ERBB4: variants seen among roughly 807,000 people sequenced by gnomAD.
ERBB4 encodes erb-b2 receptor tyrosine kinase 4.
Under a neutral mutation model 158.0 loss-of-function variants are expected in ERBB4, and 42 were observed. The observed-to-expected ratio is 0.27, with a 90% CI of 0.21 to 0.34. The LOEUF (loss-of-function observed/expected upper bound fraction) is 0.34. ERBB4 is among the 10% of genes least tolerant of loss of function. The probability of loss-of-function intolerance (pLI) is 1.00; values close to 1 mark genes in which losing one functional copy is unlikely to be tolerated. For missense variants in ERBB4, 1,333 were observed against 1,624.1 expected (o/e 0.82, Z 3.08); for synonymous variants, 583 against 558.7 (o/e 1.04, Z -0.61).
chr2:212,485,479 TGTCAAAATG>T (rs1689923974), intron 1 of ERBB4, among the ~76,000 whole-genome samples: 1 of 152,192 alleles, frequency 6.6e-6, no homozygotes, highest in Non-Finnish European at 1.5e-5. Context: ...CGGAATGAAT[TGTCAAAATG>T]AACTAACCAG....
At chr2:212,228,529 A>AT (rs1489831792) in intron 1 of ERBB4, among the ~76,000 whole-genome samples, 1 of 152,198 alleles carries the variant, frequency 6.6e-6, no homozygotes, top group Non-Finnish European at 1.5e-5. Flanking sequence ...CAGCAAGAAC[A>AT]TTTTTATGGG....
intron 2 of ERBB4, among the ~76,000 whole-genome samples, chr2:212,013,140 T>C (rs1342645276): frequency 6.6e-6 from 1 of 151,366 alleles, no homozygotes; most frequent in Non-Finnish European, 1.5e-5. Flanking sequence ...CATTGCAATC[T>C]CCACCTCCCA....
At chr2:212,240,459 T>A (rs1296792232) in intron 1 of ERBB4, among the ~76,000 whole-genome samples, 1 of 151,590 alleles carries the variant, frequency 6.6e-6, no homozygotes. Context: ...GGTGAAACCC[T>A]GTCTCCACTA....
At chr2:211,675,281 G>C (rs1383125822) in intron 13 of ERBB4, among the ~76,000 whole-genome samples, 2 of 152,146 alleles carry the variant, frequency 1.3e-5, no homozygotes, top group Non-Finnish European at 2.9e-5. Context: ...AACTTAGCAA[G>C]TCCTGTGATC....
At chr2:212,506,292 A>G (rs529454778) in intron 1 of ERBB4, among the ~76,000 whole-genome samples, 1 of 148,788 alleles carries the variant, frequency 6.7e-6, no homozygotes, top group Non-Finnish European at 1.5e-5. Context: ...TGAAATAATT[A>G]TAAATTAGGC....
intron 3 of ERBB4, among the ~76,000 whole-genome samples, chr2:211,923,502 G>T (rs1051799025): frequency 1.3e-5 from 2 of 152,098 alleles, no homozygotes; most frequent in African/African-American, 4.8e-5. Flanking sequence ...GACATAAATT[G>T]CTTATACTAG....
chr2:212,315,136 AT>A (rs1191045179), intron 1 of ERBB4, among the ~76,000 whole-genome samples: 1 of 151,266 alleles, frequency 6.6e-6, no homozygotes, highest in African/African-American at 2.4e-5. Flanking sequence ...AAGCCTTTTA[AT>A]TTTTTTTAAT....
At chr2:211,627,512 T>C (rs1384010430) in intron 17 of ERBB4, among the ~76,000 whole-genome samples, 1 of 152,242 alleles carries the variant, frequency 6.6e-6, no homozygotes, top group Admixed American at 6.5e-5. Context: ...TAAGGTAGTT[T>C]CCAGAAACTT....
At chr2:212,172,627 T>C (rs2081551843) in intron 1 of ERBB4, among the ~76,000 whole-genome samples, 1 of 152,136 alleles carries the variant, frequency 6.6e-6, no homozygotes, top group African/African-American at 2.4e-5. Flanking sequence ...CCATATTTTT[T>C]CCAGGAATAT....
intron 20 of ERBB4, among the ~76,000 whole-genome samples, chr2:211,466,332 GTTT>G (rs1158162850): frequency 8.4e-6 from 1 of 118,576 alleles, no homozygotes; most frequent in African/African-American, 3.0e-5. Flanking sequence ...TTTTTGTGTA[GTTT>G]TTTTTTTTTT....
At chr2:212,286,610 T>TTTG (rs2085983420) in intron 1 of ERBB4, among the ~76,000 whole-genome samples, 1 of 134,666 alleles carries the variant, frequency 7.4e-6, no homozygotes, top group African/African-American at 2.9e-5. Flanking sequence ...TTTTTTTTTT[T>TTTG]TTTTTTTTTT....
chr2:211,731,683 T>C (rs2074431365), intron 5 of ERBB4, among the ~76,000 whole-genome samples: 1 of 152,118 alleles, frequency 6.6e-6, no homozygotes, highest in Non-Finnish European at 1.5e-5. Context: ...GATGAAATTG[T>C]GACTAAAAAA....
Position 212,080,570 on chromosome 2 carries a change from A to G in ERBB4, c.234+44182T>C, listed in dbSNP as rs552137370. Among the ~76,000 whole-genome samples the G allele has an allele frequency of 2.0e-5, 3 of 150,562 alleles. No homozygotes were observed. The South Asian group carries it at 6.3e-4, about 32-fold the overall frequency. ...ACATGTTTTGGTTTTTAAAGACCAT[A>G]GCCTCAGAGTTCACCCAATTGGAGA... On this transcript the variant is annotated intron_variant, in intron 2 of 27. Coordinates refer to ENST00000342788, the MANE Select transcript of ERBB4 (RefSeq NM_005235.3).
At chr2:211,553,499 C>A (rs966453200) in intron 20 of ERBB4, among the ~76,000 whole-genome samples, 1 of 152,074 alleles carries the variant, frequency 6.6e-6, no homozygotes, top group Non-Finnish European at 1.5e-5. Context: ...TTTTAAATGA[C>A]GGTATTTTTT....
chr2:211,548,565 C>T (rs919930278), intron 20 of ERBB4, among the ~76,000 whole-genome samples: 19 of 152,186 alleles, frequency 1.2e-4, no homozygotes, highest in African/African-American at 4.3e-4. Context: ...GTGTTGCAGT[C>T]AGGGCTTGGG....
chr2:211,902,216 A>G (rs1385842439), intron 3 of ERBB4, among the ~76,000 whole-genome samples: 1 of 152,148 alleles, frequency 6.6e-6, no homozygotes, highest in Non-Finnish European at 1.5e-5. Context: ...TATTTTGCGA[A>G]AAAACAAATA....
chr2:211,993,347 G>A (rs2082124188), intron 2 of ERBB4, among the ~76,000 whole-genome samples: 2 of 152,208 alleles, frequency 1.3e-5, no homozygotes, highest in African/African-American at 4.8e-5. Context: ...CAGCCAAGGA[G>A]AGACGCCTCA....
chr2:212,216,099 C>T (rs1445490590), intron 1 of ERBB4, among the ~76,000 whole-genome samples: 1 of 151,328 alleles, frequency 6.6e-6, no homozygotes, highest in African/African-American at 2.4e-5. Context: ...TAAGTTTCCA[C>T]ATCATTTGTG....
At chr2:212,205,318 G>A (rs781730074) in intron 1 of ERBB4, among the ~76,000 whole-genome samples, 11 of 152,050 alleles carry the variant, frequency 7.2e-5, no homozygotes, top group South Asian at 4.2e-4. Flanking sequence ...GTGCCACCAC[G>A]CCAGCCAATT....
Sources: allele counts gnomAD v4.1 joint callset (sites outside exome capture counted in the v4.1 genomes callset), GRCh38; gene constraint gnomAD v4.1.1; transcripts MANE v1.5; gene names NCBI Gene and HGNC (gene_info 2026-07-23, HGNC 2026-07-21).